Variants in CCDC50 observed in about 807,000 individuals in gnomAD.
CCDC50 encodes coiled-coil domain containing 50, also known as coiled-coil domain-containing protein 50.
CCDC50 carries 54 observed loss-of-function variants against 70.2 expected under a neutral mutation model. The ratio of observed to expected loss-of-function variants is 0.77; its 90% CI spans 0.62 to 0.96. The LOEUF (loss-of-function observed/expected upper bound fraction) is 0.96, where lower values mean the gene tolerates loss of function less well. Among genes scored for constraint, CCDC50 ranks in the 50% least tolerant of loss-of-function variants. The probability of loss-of-function intolerance (pLI) is 0.00; values close to 1 mark genes in which losing one functional copy is unlikely to be tolerated. For missense variants in CCDC50, 558 were observed against 578.7 expected, an observed-to-expected ratio of 0.96 and a Z score of 0.37; for synonymous variants, 216 against 198.8, an observed-to-expected ratio of 1.09 and a Z score of -0.73.
At chr3:191,337,873 A>C (rs2108632108) in intron 1 of CCDC50, among the ~76,000 whole-genome samples, 1 of 152,056 alleles carries the variant, frequency 6.6e-6, no homozygotes, top group African/African-American at 2.4e-5. Flanking sequence ...AAAACTTATT[A>C]CAGATATTTG....
At chr3:191,377,324 C>T (rs914606110) in intron 6 of CCDC50, among the ~76,000 whole-genome samples, 8 of 152,088 alleles carry the variant, frequency 5.3e-5, no homozygotes, top group African/African-American at 1.9e-4. Flanking sequence ...ACAGGCCAAA[C>T]TTACATTAAT....
At chr3:191,330,004 A>G (rs1717909652) in intron 1 of CCDC50, among the ~76,000 whole-genome samples, 1 of 150,904 alleles carries the variant, frequency 6.6e-6, no homozygotes, top group African/African-American at 2.4e-5. Flanking sequence ...GTTCTCGTGC[A>G]TCGCAAAGCC....
At chr3:191,384,674 C>A (rs79086973) in intron 10 of CCDC50, among the ~76,000 whole-genome samples, 1,682 of 151,542 alleles carry the variant, frequency 0.011, 26 homozygotes, top group African/African-American at 0.039. Flanking sequence ...TCAAAAATTG[C>A]CATTTTTATT....
At chr3:191,383,124 G>GA (rs1713375967) in intron 10 of CCDC50, among the ~76,000 whole-genome samples, 1 of 152,142 alleles carries the variant, frequency 6.6e-6, no homozygotes, top group South Asian at 2.1e-4. Flanking sequence ...TGGGGAATGA[G>GA]AGTGATTTTT....
chr3:191,341,395 A>C (rs1312002372), intron 1 of CCDC50, among the ~76,000 whole-genome samples: 1 of 152,220 alleles, frequency 6.6e-6, no homozygotes, highest in Admixed American at 6.5e-5. Flanking sequence ...AGGTTCAAAG[A>C]AATTAAGTAC....
At chr3:191,364,465 A>ATC (rs1712610356) in intron 4 of CCDC50, among the ~76,000 whole-genome samples, 1 of 150,262 alleles carries the variant, frequency 6.7e-6, no homozygotes, top group South Asian at 2.1e-4. Flanking sequence ...GCTGTGGAAA[A>ATC]TCTCTCTCTG....
In CCDC50 at chr3:191,395,998, T is replaced by C. The variant is rs931922147; in HGVS notation, c.*4238T>C. ...GCATGGGGCACAATGTCTTTCAAAT[T>C]ATTGGTGGAAGAATCTCTTTTATCC... On this transcript the variant is annotated 3_prime_UTR_variant, in exon 12 of 12. Transcript: ENST00000392455. 5 of 152,136 alleles carry C rather than the reference T, an allele frequency of 3.3e-5. No homozygotes were observed. Among genetic ancestry groups the C allele is most frequent in the Non-Finnish European group, 5.9e-5 (4 of 68,016 alleles). The allele number at this position is 152,136 out of a possible 1,614,324, so 9.4% of individuals were successfully genotyped here. A position where few individuals can be genotyped will look rare whatever the true frequency, so the allele number is the denominator to read the frequency against.
intron 1 of CCDC50, among the ~76,000 whole-genome samples, chr3:191,331,505 G>T (rs1457372212): frequency 2.0e-5 from 3 of 152,112 alleles, no homozygotes; most frequent in African/African-American, 7.2e-5. Flanking sequence ...ACGGTGTTTG[G>T]CAATCTCTTT....
chr3:191,363,363 C>T (rs293803), intron 4 of CCDC50, among the ~76,000 whole-genome samples: 37,605 of 152,052 alleles, frequency 0.25, 5,932 homozygotes, highest in African/African-American at 0.44. Flanking sequence ...AACATGTGGA[C>T]TTTGGAGTTA....
chr3:191,389,785 T>G (rs940590243), intron 11 of CCDC50, among the ~76,000 whole-genome samples, 183 bp downstream of exon 11: 1 of 151,964 alleles, frequency 6.6e-6, no homozygotes, highest in African/African-American at 2.4e-5. Context: ...ACACCCTAAA[T>G]TTTATGTAAG....
At chr3:191,367,520 T>C (rs1433745362) in intron 4 of CCDC50, among the ~76,000 whole-genome samples, 2 of 152,202 alleles carry the variant, frequency 1.3e-5, no homozygotes, top group African/African-American at 4.8e-5. Context: ...TAAGAGACAC[T>C]GGGAAAGAAA....
chr3:191,338,184 T>C (rs986281313), intron 1 of CCDC50, among the ~76,000 whole-genome samples: 2 of 152,250 alleles, frequency 1.3e-5, no homozygotes, highest in African/African-American at 4.8e-5. Flanking sequence ...AAATTCTGTT[T>C]TGTTTATTGA....
At chr3:191,385,922 T>C (rs1380969887) in intron 10 of CCDC50, among the ~76,000 whole-genome samples, 1 of 152,112 alleles carries the variant, frequency 6.6e-6, no homozygotes, top group East Asian at 1.9e-4. Flanking sequence ...TTGTCAAAAA[T>C]CCCTTTGTTA....
chr3:191,382,918 G>T, intron 10 of CCDC50, 93 bp downstream of exon 10: 1 of 918,334 alleles, frequency 1.1e-6, no homozygotes, highest in Non-Finnish European at 1.8e-6. Flanking sequence ...GTTTTTTGGA[G>T]AGGAGATCCA....
rs293806 is a variant in CCDC50, at chr3:191,375,645, A to G, written c.976+56A>G. 854,940 of 1,553,668 alleles carry G rather than the reference A, an allele frequency of 0.55. 244,167 individuals carry two copies. Among genetic ancestry groups the G allele is most frequent in the East Asian group, 0.89 (38,194 of 42,706 alleles). On this transcript the variant is annotated intron_variant, in intron 6 of 11. Coordinates refer to ENST00000392455, the MANE Select transcript of CCDC50 (RefSeq NM_178335.3). Reference sequence around the variant, plus strand: ...GGTATCATGTATATAACTACAAACCAATGAATTTAATAAGTACCTTAAGCA... The same window carrying G: ...GGTATCATGTATATAACTACAAACCGATGAATTTAATAAGTACCTTAAGCA...
intron 5 of CCDC50, among the ~76,000 whole-genome samples, chr3:191,372,058 A>G (rs1344099822): frequency 6.6e-6 from 1 of 152,188 alleles, no homozygotes; most frequent in Non-Finnish European, 1.5e-5. Flanking sequence ...TCCCCTCTTA[A>G]AGCCTTATAC....
rs1464680355 is a variant in CCDC50 at position 191,392,264 on chromosome 3, A to G, written c.*504A>G. ...ACCATAAAGTATTTTAAAAAAAGAA[A>G]CACTTGGAGCAATTGAAATATGTTA... On this transcript the variant is annotated 3_prime_UTR_variant, in exon 12 of 12. Coordinates refer to ENST00000392455, the MANE Select transcript of CCDC50 (RefSeq NM_178335.3). The G allele has an allele frequency of 1.9e-5, 3 of 159,892 alleles. No homozygotes were observed. Among genetic ancestry groups the G allele is most frequent in the African/African-American group, 7.2e-5 (3 of 41,468 alleles). 9.9% of individuals were successfully genotyped at this position (159,892 alleles called of 1,614,324 possible).
chr3:191,333,905 A>G (rs538327801), intron 1 of CCDC50, among the ~76,000 whole-genome samples: 42 of 152,290 alleles, frequency 2.8e-4, no homozygotes, highest in African/African-American at 9.6e-4. Flanking sequence ...TTGTAAATAG[A>G]ATTCATTCAA....
chr3:191,375,632 A>G (rs771271064), intron 6 of CCDC50, 43 bp downstream of exon 6: 8 of 1,591,386 alleles, frequency 5.0e-6, no homozygotes, highest in Non-Finnish European at 5.1e-6. Context: ...TATCATGTAT[A>G]TAACTACAAA....
Sources: allele counts gnomAD v4.1 joint callset (sites outside exome capture counted in the v4.1 genomes callset), GRCh38; gene constraint gnomAD v4.1.1; transcripts MANE v1.5; gene names NCBI Gene and HGNC (gene_info 2026-07-23, HGNC 2026-07-21).